Variants in FOXJ3 observed in about 807,000 individuals in gnomAD.
FOXJ3 encodes the protein forkhead box J3, also known as forkhead box protein J3.
Under a neutral mutation model 76.1 loss-of-function variants are expected in FOXJ3, and 22 were observed. The observed-to-expected ratio is 0.29, with a 90% CI of 0.21 to 0.41. The LOEUF (loss-of-function observed/expected upper bound fraction) is 0.41, where lower values mean the gene tolerates loss of function less well. Ranked by LOEUF, FOXJ3 falls within the 10% of genes least tolerant of loss-of-function variation. The pLI is 1.00. For missense variants in FOXJ3, 613 were observed against 762.1 expected, an observed-to-expected ratio of 0.80 and a Z score of 2.30; for synonymous variants, 269 against 261.2, an observed-to-expected ratio of 1.03 and a Z score of -0.29.
chr1:42,298,636 G>C (rs975234243), intron 2 of FOXJ3, among the ~76,000 whole-genome samples: 1 of 151,588 alleles, frequency 6.6e-6, no homozygotes, highest in Non-Finnish European at 1.5e-5. Flanking sequence ...CTTATCCTTT[G>C]TATCATTTTT....
At chr1:42,248,534 CAAAAAAAAA>C (rs4019586) in intron 4 of FOXJ3, among the ~76,000 whole-genome samples, 2 of 136,014 alleles carry the variant, frequency 1.5e-5, no homozygotes, top group East Asian at 2.1e-4. Context: ...ACTGCGTCTC[CAAAAAAAAA>C]AAAAAAAAAG....
At chr1:42,209,104 T>C (rs567334630) in intron 5 of FOXJ3, among the ~76,000 whole-genome samples, 2 of 152,322 alleles carry the variant, frequency 1.3e-5, no homozygotes, top group South Asian at 2.1e-4. Context: ...AGCAATGAAG[T>C]GAAATTGTCT....
chr1:42,283,682 C>T (rs1652875387), intron 2 of FOXJ3, among the ~76,000 whole-genome samples: 1 of 152,178 alleles, frequency 6.6e-6, no homozygotes, highest in South Asian at 2.1e-4. Flanking sequence ...CAACTTAGAA[C>T]TCAGGAGAAA....
chr1:42,224,902 C>T (rs753885580), intron 5 of FOXJ3, among the ~76,000 whole-genome samples: 16 of 151,786 alleles, frequency 1.1e-4, no homozygotes, highest in African/African-American at 1.5e-4. Context: ...GCCTCGGCAA[C>T]ATGGCAAGAC....
chr1:42,327,168 C>G (rs1557728802), intron 1 of FOXJ3, among the ~76,000 whole-genome samples: 1 of 152,162 alleles, frequency 6.6e-6, no homozygotes, highest in South Asian at 2.1e-4. Context: ...ACACGACTTC[C>G]TCTGATACAC....
chr1:42,242,765 G>C (rs1367292638), intron 4 of FOXJ3, among the ~76,000 whole-genome samples: 2 of 152,122 alleles, frequency 1.3e-5, no homozygotes, highest in Non-Finnish European at 2.9e-5. Context: ...AAAGGCATAG[G>C]AAGTTTATTT....
chr1:42,277,401 G>A (rs980444930), intron 3 of FOXJ3, among the ~76,000 whole-genome samples: 24 of 151,652 alleles, frequency 1.6e-4, no homozygotes, highest in African/African-American at 5.1e-4. Flanking sequence ...GGTGGCTCAC[G>A]CCTGTAATCC....
At chr1:42,259,931 G>A (rs1480018844) in intron 4 of FOXJ3, among the ~76,000 whole-genome samples, 1 of 152,134 alleles carries the variant, frequency 6.6e-6, no homozygotes, top group African/African-American at 2.4e-5. Context: ...CTTCAGAAGT[G>A]ACAAACTCTA....
At chr1:42,304,583 G>T (rs1654348483) in intron 2 of FOXJ3, among the ~76,000 whole-genome samples, 1 of 152,098 alleles carries the variant, frequency 6.6e-6, no homozygotes, top group African/African-American at 2.4e-5. Flanking sequence ...AGAGAACCCA[G>T]AAACAAATAT....
intron 8 of FOXJ3, among the ~76,000 whole-genome samples, 199 bp downstream of exon 8, chr1:42,194,691 A>G (rs1253901755): frequency 1.3e-5 from 2 of 152,240 alleles, no homozygotes; most frequent in African/African-American, 4.8e-5. Flanking sequence ...GTAGGCATGC[A>G]ACATAAAATT....
Position 42,199,104 on chromosome 1 carries a change from G to C in FOXJ3, c.757C>G (p.Pro253Ala). Reference protein sequence around the residue: ...NSVGSVHSYTPVTSHPESVSQ... With the variant: ...NSVGSVHSYTAVTSHPESVSQ... ...ATGTTAACTTCATCAAGACTTACCG[G>C]TGTATAACTATGCACACTTCCAACA... The change falls in exon 7 of 13, where the codon CCG (proline) becomes GCG (alanine). Residue 253 changes from proline (P) to alanine (A), a missense_variant and splice_region_variant. Coordinates refer to ENST00000361346, the MANE Select transcript of FOXJ3 (RefSeq NM_014947.5). 1.2e-6 allele frequency: 2 copies of C among 1,612,374 alleles called. No homozygotes were observed. Among genetic ancestry groups the C allele is most frequent in the South Asian group, 2.2e-5 (2 of 91,010 alleles).
chr1:42,203,663 T>C (rs1400430243), intron 6 of FOXJ3, among the ~76,000 whole-genome samples: 1 of 152,098 alleles, frequency 6.6e-6, no homozygotes, highest in East Asian at 1.9e-4. Flanking sequence ...CACACACAAT[T>C]AGGAGTTAGC....
chr1:42,266,722 A>G (rs557826148), intron 3 of FOXJ3, among the ~76,000 whole-genome samples: 30 of 152,274 alleles, frequency 2.0e-4, no homozygotes, highest in Non-Finnish European at 3.2e-4. Flanking sequence ...CATAAACAGG[A>G]AGAAAGTGAT....
At chr1:42,221,172 A>G (rs1647177103) in intron 5 of FOXJ3, among the ~76,000 whole-genome samples, 1 of 152,212 alleles carries the variant, frequency 6.6e-6, no homozygotes. Flanking sequence ...TAGTCTCTAG[A>G]AAAGGTGTGA....
intron 1 of FOXJ3, chr1:42,315,389 T>C: frequency 1.0e-6 from 1 of 983,646 alleles, no homozygotes; most frequent in Non-Finnish European, 1.2e-6. Flanking sequence ...TCTTGCTTCT[T>C]CATCTGTAGG....
intron 1 of FOXJ3, chr1:42,334,237 G>A: frequency 2.9e-6 from 1 of 341,924 alleles, no homozygotes; most frequent in Non-Finnish European, 4.1e-6. Flanking sequence ...ATGAAACTAA[G>A]CCCTGTTATG....
chr1:42,298,402 T>C (rs943461993), intron 2 of FOXJ3, among the ~76,000 whole-genome samples: 1 of 152,178 alleles, frequency 6.6e-6, no homozygotes, highest in African/African-American at 2.4e-5. Context: ...TCTTGCGAGG[T>C]TGTATCTTTC....
chr1:42,282,135 C>T (rs1049055190), intron 2 of FOXJ3, among the ~76,000 whole-genome samples: 6 of 150,690 alleles, frequency 4.0e-5, no homozygotes, highest in African/African-American at 9.8e-5. Flanking sequence ...CACTTGTATA[C>T]GAGAACAGAT....
intron 11 of FOXJ3, among the ~76,000 whole-genome samples, chr1:42,184,147 A>G (rs1646386297): frequency 6.6e-6 from 1 of 152,130 alleles, no homozygotes; most frequent in Non-Finnish European, 1.5e-5. Flanking sequence ...GACTGCACCA[A>G]GCTGGAAGGG....
Sources: allele counts gnomAD v4.1 joint callset (sites outside exome capture counted in the v4.1 genomes callset), GRCh38; gene constraint gnomAD v4.1.1; transcripts MANE v1.5; gene names NCBI Gene and HGNC (gene_info 2026-07-23, HGNC 2026-07-21).